ARPP21: variants seen among roughly 807,000 people sequenced by gnomAD.
ARPP21 encodes the protein cAMP regulated phosphoprotein 21, also known as cAMP-regulated phosphoprotein 21.
In ARPP21, 69 loss-of-function variants were observed where a neutral mutation model predicts 113.2. That is an observed-to-expected ratio of 0.61 (90% CI 0.50 to 0.74). ARPP21 has a LOEUF of 0.74. Among genes scored for constraint, ARPP21 ranks in the 30% least tolerant of loss-of-function variants. ARPP21 has a pLI of 0.00. For missense variants in ARPP21, 1,070 were observed against 1,037.4 expected, an observed-to-expected ratio of 1.03 and a Z score of -0.43; for synonymous variants, 368 against 375.5, an observed-to-expected ratio of 0.98 and a Z score of 0.23.
intron 19 of ARPP21, chr3:35,781,392 A>G (rs1274451834): frequency 6.6e-6 from 1 of 152,192 alleles, no homozygotes; most frequent in African/African-American, 2.4e-5. Flanking sequence ...GCCTGCCCCA[A>G]AGGGATGATT....
chr3:35,702,761 G>T (rs975102784), intron 9 of ARPP21, among the ~76,000 whole-genome samples: 3 of 151,802 alleles, frequency 2.0e-5, no homozygotes, highest in African/African-American at 4.8e-5. Context: ...AAAAGAAAAT[G>T]AGGTGGTATA....
chr3:35,690,765 T>A, intron 8 of ARPP21, 100 bp from the exon 9 acceptor site: 1 of 1,124,980 alleles, frequency 8.9e-7, no homozygotes, highest in Non-Finnish European at 1.2e-6. Flanking sequence ...GCTTAGTGGT[T>A]TAGATGAAGA....
At chr3:35,685,601 A>G (rs2080322509) in intron 5 of ARPP21, 9 of 985,228 alleles carry the variant, frequency 9.1e-6, no homozygotes, top group South Asian at 9.4e-5. Context: ...GTAAATTCAC[A>G]GTATTTGGAA....
chr3:35,758,078 A>T, intron 19 of ARPP21, among the ~76,000 whole-genome samples: 1 of 152,098 alleles, frequency 6.6e-6, no homozygotes, highest in East Asian at 1.9e-4. Flanking sequence ...ATAGCAACAC[A>T]ATTTTAATAG....
chr3:35,711,175 A>C (rs1280770139), intron 11 of ARPP21, among the ~76,000 whole-genome samples: 4 of 152,166 alleles, frequency 2.6e-5, no homozygotes. Context: ...GTGGAGGACC[A>C]GCCTGTTTCT....
At chr3:35,654,987 G>T (rs1043580240) in intron 1 of ARPP21, among the ~76,000 whole-genome samples, 21 of 151,718 alleles carry the variant, frequency 1.4e-4, no homozygotes, top group African/African-American at 4.8e-4. Flanking sequence ...TACCTAACTT[G>T]ATGAAATGGA....
intron 15 of ARPP21, among the ~76,000 whole-genome samples, chr3:35,733,613 T>G (rs919646616): frequency 6.6e-6 from 1 of 152,188 alleles, no homozygotes; most frequent in Non-Finnish European, 1.5e-5. Flanking sequence ...TGCATCTGGA[T>G]TGGTAGAAAT....
chr3:35,685,527 C>A (rs1376085863), intron 5 of ARPP21: 1 of 985,060 alleles, frequency 1.0e-6, no homozygotes, highest in Non-Finnish European at 1.2e-6. Flanking sequence ...AATGTGCGGA[C>A]TGAATCCCAG....
chr3:35,689,992 G>A (rs2081775493), intron 7 of ARPP21, 89 bp from the exon 8 acceptor site: 2 of 706,140 alleles, frequency 2.8e-6, no homozygotes, highest in Admixed American at 2.0e-5. Flanking sequence ...ATACATTTAA[G>A]TAATCTTTTC....
At chr3:35,759,476 CTT>C (rs2095684065) in intron 19 of ARPP21, among the ~76,000 whole-genome samples, 1 of 151,938 alleles carries the variant, frequency 6.6e-6, no homozygotes, top group Non-Finnish European at 1.5e-5. Context: ...TAGACTTTCT[CTT>C]TTTTTCAGGT....
chr3:35,762,961 T>C (rs924803936), intron 19 of ARPP21, among the ~76,000 whole-genome samples: 16 of 152,106 alleles, frequency 1.1e-4, no homozygotes, highest in African/African-American at 3.9e-4. Flanking sequence ...CTGATTCTGA[T>C]GCCCAGACAC....
intron 1 of ARPP21, among the ~76,000 whole-genome samples, chr3:35,651,018 A>G (rs1233725751): frequency 1.3e-5 from 2 of 152,256 alleles, no homozygotes; most frequent in Non-Finnish European, 2.9e-5. Flanking sequence ...GAAAGGAAAC[A>G]GGAAAATTAT....
intron 11 of ARPP21, chr3:35,715,207 T>G (rs1576217258): frequency 2.2e-6 from 1 of 455,224 alleles, no homozygotes; most frequent in South Asian, 3.0e-5. Flanking sequence ...CCGAACAGAC[T>G]AAATCTAAAA....
intron 19 of ARPP21, among the ~76,000 whole-genome samples, chr3:35,748,596 A>C (rs1208047816): frequency 2.0e-5 from 3 of 152,208 alleles, no homozygotes; most frequent in Non-Finnish European, 4.4e-5. Flanking sequence ...TATCTTTGGA[A>C]GACTTGGAAG....
rs2096746524 is a variant in ARPP21, at chr3:35,791,475, C to T, written c.2138-907C>T. Among the ~76,000 whole-genome samples the T allele has an allele frequency of 2.0e-5, 3 of 152,032 alleles. No homozygotes were observed. In the South Asian group the frequency reaches 6.2e-4, roughly 32 times the overall value. ...GTCTTTCATTTCTCTACCACTGTGT[C>T]ATTTTCACCTAAATCATAACTTTCT... On this transcript the variant is annotated intron_variant, in intron 19 of 20. Transcript: ENST00000684406.
At chr3:35,688,036 CTTGATTTTCTTTCTGTTTATAGTGTCA>C (rs1478480073) in intron 6 of ARPP21, among the ~76,000 whole-genome samples, 153 bp downstream of exon 6, 1 of 151,492 alleles carries the variant, frequency 6.6e-6, no homozygotes, top group Non-Finnish European at 1.5e-5. Context: ...AAAATGTGAA[CTTGATTTTCTTTCTGTTTATAGTGTCA>C]TTACTTGTGT....
chr3:35,743,792 A>G lies in ARPP21; in HGVS notation c.2011-47A>G, dbSNP rs552303782. On this transcript the variant is annotated intron_variant, in intron 18 of 20. Transcript: ENST00000684406. ...GCATATTTTAAGTTTAAAAATTTACATTATCTACATTTTCATTCTCTGCTT... is the reference window on the plus strand; with the variant it reads ...GCATATTTTAAGTTTAAAAATTTACGTTATCTACATTTTCATTCTCTGCTT... The G allele has an allele frequency of 1.2e-4, 193 of 1,593,054 alleles. 2 individuals are homozygous for G. In the South Asian group the frequency reaches 2.0e-3, roughly 17 times the overall value.
intron 8 of ARPP21, 40 bp from the exon 9 acceptor site, chr3:35,690,825 T>C (rs752668690): frequency 6.4e-7 from 1 of 1,570,780 alleles, no homozygotes; most frequent in South Asian, 1.2e-5. Context: ...GGGCAAAAAA[T>C]GAAAATGCTG....
At chr3:35,674,902 T>C (rs1266183596) in intron 1 of ARPP21, among the ~76,000 whole-genome samples, 1 of 151,812 alleles carries the variant, frequency 6.6e-6, no homozygotes, top group East Asian at 2.0e-4. Context: ...GGGTCTCTCT[T>C]GCGACATACT....
Sources: gnomAD v4.1 joint callset for allele counts (sites outside exome capture counted in the v4.1 genomes callset) on GRCh38, gnomAD v4.1.1 for gene constraint, MANE v1.5 for transcripts, NCBI Gene and HGNC (gene_info 2026-07-23, HGNC 2026-07-21) for gene names.